CACNA1S: variants seen among roughly 807,000 people sequenced by gnomAD.
The protein encoded by CACNA1S is calcium voltage-gated channel subunit alpha1 S, also known as voltage-dependent L-type calcium channel subunit alpha-1S.
Under a neutral mutation model 207.4 loss-of-function variants are expected in CACNA1S, and 126 were observed. That is an observed-to-expected ratio of 0.61 (90% CI 0.53 to 0.70). The LOEUF (loss-of-function observed/expected upper bound fraction) is 0.70, where lower values mean the gene tolerates loss of function less well. Ranked by LOEUF, CACNA1S falls within the 30% of genes least tolerant of loss-of-function variation. The pLI, the probability that CACNA1S is intolerant of heterozygous loss-of-function variation, is 0.00. For missense variants in CACNA1S, 2,349 were observed against 2,422.8 expected (o/e 0.97, Z 0.64); for synonymous variants, 960 against 932.7 (o/e 1.03, Z -0.53).
intron 2 of CACNA1S, 62 bp from the exon 3 acceptor site, chr1:201,094,083 T>A: frequency 6.2e-7 from 1 of 1,606,572 alleles, no homozygotes; most frequent in African/African-American, 1.3e-5. Context: ...CTTGCTCTCT[T>A]CCCTGCAGCC....
intron 1 of CACNA1S, among the ~76,000 whole-genome samples, chr1:201,111,036 T>C (rs1489726595): frequency 6.6e-6 from 1 of 150,422 alleles, no homozygotes; most frequent in Non-Finnish European, 1.5e-5. Flanking sequence ...CTCCAGTGTT[T>C]GAGAAAAGAG....
In CACNA1S at chr1:201,075,567, C is replaced by A. The variant is rs1661582242; in HGVS notation, c.1876G>T (p.Ala626Ser). 1 of 1,613,992 alleles carries A rather than the reference C, an allele frequency of 6.2e-7. No homozygotes were observed. Among genetic ancestry groups the A allele is most frequent in the African/African-American group, 1.3e-5 (1 of 74,906 alleles). The change falls in exon 13 of 44, where the codon GCC becomes TCC. Residue 626 changes from alanine to serine, a missense_variant. Coordinates refer to ENST00000362061, the MANE Select transcript of CACNA1S (RefSeq NM_000069.3). The stretch of plus-strand genomic sequence containing the variant: ...CCAGGGTAGGACGGCCCGCCGTAGG[C>A]CATGATCCCATTGTACATCATTGAG... ...WTSMMYNGIM[A>S]YGGPSYPGML...
chr1:201,061,883 C>T, intron 24 of CACNA1S, 61 bp downstream of exon 24: 1 of 1,598,562 alleles, frequency 6.3e-7, no homozygotes, highest in Admixed American at 1.7e-5. Context: ...GAAGGGCAGG[C>T]TGGCTGCCTG....
At chr1:201,092,641 C>A (rs1662280154) in intron 3 of CACNA1S, among the ~76,000 whole-genome samples, 1 of 152,202 alleles carries the variant, frequency 6.6e-6, no homozygotes, top group African/African-American at 2.4e-5. Context: ...CCTCCAAATA[C>A]TTCTAACGGC....
chr1:201,062,646 T>C, intron 22 of CACNA1S, 132 bp from the exon 23 acceptor site: 1 of 784,472 alleles, frequency 1.3e-6, no homozygotes, highest in Non-Finnish European at 2.2e-6. Flanking sequence ...CCCAAGCCCA[T>C]CTCTTCCTCT....
rs542088414 is a variant in CACNA1S, at chr1:201,063,922, T to A, written c.2854-1408A>T. 4.1e-4 allele frequency among the ~76,000 whole-genome samples: 63 copies of A among 152,336 alleles called. No homozygotes were observed. The South Asian group carries it at 5.0e-3, about 12-fold the overall frequency. On this transcript the variant is annotated intron_variant, in intron 22 of 43. Coordinates refer to ENST00000362061, the MANE Select transcript of CACNA1S (RefSeq NM_000069.3). The stretch of plus-strand genomic sequence containing the variant: ...AAAGCAAAGCTTGACTCTGCTATAA[T>A]GTGGAATGCACGTGGTGTTTCCACA...
intron 9 of CACNA1S, among the ~76,000 whole-genome samples, chr1:201,084,119 A>T (rs1407623898): frequency 1.3e-5 from 2 of 152,256 alleles, no homozygotes; most frequent in Non-Finnish European, 2.9e-5. Flanking sequence ...AAGTAAAAAA[A>T]GGTAAGTAAC....
chr1:201,049,179 G>A (rs772439074), intron 34 of CACNA1S, 80 bp from the exon 35 acceptor site: 38 of 976,468 alleles, frequency 3.9e-5, no homozygotes, highest in Non-Finnish European at 5.6e-5. Context: ...ATGGGCAATG[G>A]GAAAGAAAGC....
Position 201,053,284 on chromosome 1 carries a change from G to A in CACNA1S, c.3796-10C>T, listed in dbSNP as rs199678161. On this transcript the variant is annotated splice_polypyrimidine_tract_variant and intron_variant, in intron 30 of 43. Coordinates refer to ENST00000362061, the MANE Select transcript of CACNA1S (RefSeq NM_000069.3). The surrounding 1 kb of genome is among the most constrained non-coding windows in gnomAD (Gnocchi z 5.1). ...CCACGTAGGGTAGGGCCTGCAGGGC[G>A]GGCGGGAGCGCCAGTCAGTGTCTTA... The A allele has an allele frequency of 4.1e-5, 66 of 1,614,118 alleles. No homozygotes were observed. Among genetic ancestry groups the A allele is most frequent in the East Asian group, 3.8e-4 (17 of 44,874 alleles).
rs549494834 is a variant in CACNA1S at position 201,095,246 on chromosome 1, C to T, written c.259-1225G>A. Among the ~76,000 whole-genome samples, 7 of 151,914 alleles carry T rather than the reference C, an allele frequency of 4.6e-5. 1 individual carries two copies. The South Asian group carries it at 1.2e-3, about 27-fold the overall frequency. ...TCCTGATTGGTGCTCTCTGGAGTTACACAAGGGGGTCTGTACCCCCACAAC... is the reference window on the plus strand; with the variant it reads ...TCCTGATTGGTGCTCTCTGGAGTTATACAAGGGGGTCTGTACCCCCACAAC... On this transcript the variant is annotated intron_variant, in intron 2 of 43. Coordinates refer to ENST00000362061, the MANE Select transcript of CACNA1S (RefSeq NM_000069.3).
chr1:201,039,623 A>C lies in CACNA1S; in HGVS notation c.*208T>G. The C allele has an allele frequency of 3.1e-6, 2 of 635,988 alleles. No homozygotes were observed. The highest frequency in any genetic ancestry group is 5.5e-6 in the Non-Finnish European group (2 of 364,176). 39.4% of individuals were successfully genotyped at this position (635,988 alleles called of 1,614,324 possible). ...ATGACATTAGAAGCTCCATCCAATC[A>C]TGCCTCTTGCTGGTGAGGGGCAGGG... is the stretch of plus-strand genomic sequence containing the variant. On this transcript the variant is annotated 3_prime_UTR_variant, in exon 44 of 44. Coordinates refer to ENST00000362061, the MANE Select transcript of CACNA1S (RefSeq NM_000069.3).
intron 6 of CACNA1S, among the ~76,000 whole-genome samples, chr1:201,088,577 C>T (rs1346842367): frequency 6.6e-6 from 1 of 152,212 alleles, no homozygotes; most frequent in Admixed American, 6.5e-5. Flanking sequence ...CCAGGGGGAT[C>T]AGAGTTCGAT....
chr1:201,072,307 C>T (rs1257690020), intron 16 of CACNA1S, among the ~76,000 whole-genome samples: 1 of 152,174 alleles, frequency 6.6e-6, no homozygotes, highest in Non-Finnish European at 1.5e-5. Context: ...CATTGCCTGC[C>T]ATGGTTCTAT....
intron 2 of CACNA1S, among the ~76,000 whole-genome samples, chr1:201,096,346 T>A (rs980898069): frequency 3.3e-5 from 5 of 152,372 alleles, no homozygotes; most frequent in African/African-American, 9.6e-5. Context: ...AAAAGGGATG[T>A]GTCCCCTCTT....
At chr1:201,081,379 G>A (rs1253493666) in intron 10 of CACNA1S, among the ~76,000 whole-genome samples, 1 of 152,184 alleles carries the variant, frequency 6.6e-6, no homozygotes, top group Non-Finnish European at 1.5e-5. Flanking sequence ...TGTTTGTAGT[G>A]GGGAGGGCAC....
rs1419288968 is a variant in CACNA1S, at chr1:201,053,453, T to C, written c.3795+6A>G. ...GTACGTGCAGTTTCCAGGGTCCCTG[T>C]TGCACCTGGAAGGACTTGATGAACG... On this transcript the variant is annotated splice_donor_region_variant and intron_variant, in intron 30 of 43. Coordinates refer to ENST00000362061, the MANE Select transcript of CACNA1S (RefSeq NM_000069.3). The surrounding 1 kb of genome is among the most constrained non-coding windows in gnomAD (Gnocchi z 5.1). 1.2e-6 allele frequency: 2 copies of C among 1,613,970 alleles called. No homozygotes were observed. Among genetic ancestry groups the C allele is most frequent in the South Asian group, 1.1e-5 (1 of 91,090 alleles).
chr1:201,091,997 G>T lies in CACNA1S; in HGVS notation c.516C>A (p.Pro172=). ...TAGGCACCCCCGACACCAGCCGGAG[G>T]GGTCTGAGCACTCGGAAGGCTCTGA... ...KALRAFRVLR[P]LRLVSGVPSL... Residue 172 remains proline, a synonymous_variant, in exon 4 of 44, where the codon CCC becomes CCA. Transcript: ENST00000362061. 8 of 1,614,148 alleles carry T rather than the reference G, an allele frequency of 5.0e-6. No homozygotes were observed. The highest frequency in any genetic ancestry group is 6.8e-6 in the Non-Finnish European group (8 of 1,180,020).
At chr1:201,101,504 C>T (rs550224850) in intron 2 of CACNA1S, among the ~76,000 whole-genome samples, 4 of 152,366 alleles carry the variant, frequency 2.6e-5, no homozygotes, top group East Asian at 1.9e-4. Context: ...CACAGGGGCT[C>T]GGCACCTCTA....
chr1:201,085,731 C>G (rs1214782582), intron 7 of CACNA1S, 150 bp from the exon 8 acceptor site: 17 of 823,350 alleles, frequency 2.1e-5, no homozygotes, highest in Non-Finnish European at 3.2e-5. Context: ...AGGTGCCCCT[C>G]AAGGTGGCTG....
Sources: gnomAD v4.1 joint callset for allele counts (sites outside exome capture counted in the v4.1 genomes callset) on GRCh38, gnomAD v4.1.1 for gene constraint, Gnocchi (gnomAD v3.1) non-coding constraint, MANE v1.5 for transcripts, NCBI Gene and HGNC (gene_info 2026-07-23, HGNC 2026-07-21) for gene names.